Variants in RANBP2 observed in about 807,000 individuals in gnomAD.
RANBP2 encodes the protein E3 SUMO-protein ligase RanBP2.
Under a neutral mutation model 303.6 loss-of-function variants are expected in RANBP2, and 57 were observed. That is an observed-to-expected ratio of 0.19 (90% CI 0.15 to 0.23). RANBP2 has a LOEUF of 0.23. Ranked by LOEUF, RANBP2 falls within the 10% of genes least tolerant of loss-of-function variation. The probability of loss-of-function intolerance (pLI) is 1.00; values close to 1 mark genes in which losing one functional copy is unlikely to be tolerated. For missense variants in RANBP2, 3,138 were observed against 3,780.8 expected (o/e 0.83, Z 4.46); for synonymous variants, 1,167 against 1,301.5 (o/e 0.90, Z 2.23).
At chr2:108,910,328 C>T in the RANBP2 span, 3 of 727,538 alleles carry the variant, frequency 4.1e-6, no homozygotes, top group Admixed American at 2.2e-5. Flanking sequence ...GTGGTGGGGA[C>T]TGTCTGTCGC....
the RANBP2 span, chr2:108,798,331 A>C: frequency 2.4e-5 from 33 of 1,400,752 alleles, no homozygotes; most frequent in Non-Finnish European, 2.7e-5. Flanking sequence ...TGTATTCCTG[A>C]AAACCACTTG....
the RANBP2 span, among the ~76,000 whole-genome samples, chr2:109,351,875 A>T: frequency 6.6e-6 from 1 of 152,206 alleles, no homozygotes; most frequent in Non-Finnish European, 1.5e-5. Context: ...TGACCTTCTT[A>T]TGCTGCTGAA....
At chr2:109,409,750 C>T in the RANBP2 span, among the ~76,000 whole-genome samples, 9 of 147,702 alleles carry the variant, frequency 6.1e-5, no homozygotes, top group East Asian at 1.6e-3. Context: ...GCTGCTTGCT[C>T]CTCTTTGCAG....
chr2:109,466,185 C>T, the RANBP2 span, among the ~76,000 whole-genome samples: 25 of 146,142 alleles, frequency 1.7e-4, 1 homozygote, highest in African/African-American at 5.3e-4. Context: ...CAGGTTCAAG[C>T]GATTCTCCTG....
chr2:109,692,215 G>T, the RANBP2 span, among the ~76,000 whole-genome samples: 2 of 151,792 alleles, frequency 1.3e-5, no homozygotes, highest in Admixed American at 6.6e-5. Context: ...CACATGGTAC[G>T]TGATTCTATT....
rs1676954714 is a variant in RANBP2 at position 108,764,280 on chromosome 2, C to T, written c.3741C>T (p.Tyr1247=). 6.2e-6 allele frequency: 10 copies of T among 1,613,910 alleles called. No individual in the cohort carries two copies. Among genetic ancestry groups the T allele is most frequent in the African/African-American group, 1.3e-5 (1 of 75,044 alleles). The change falls in exon 20 of 29, where the codon TAC becomes TAT. Residue 1247 remains tyrosine, a synonymous_variant. Transcript: ENST00000283195. ...TATTGAAAATCTGTGCAAATCATTACATCAGTCCAGATATGAAATTGACAC... is the reference window on the plus strand; with the variant it reads ...TATTGAAAATCTGTGCAAATCATTATATCAGTCCAGATATGAAATTGACAC... The part of the protein sequence containing the change: ...EQVLKICANH[Y]ISPDMKLTPN...
chr2:109,720,431 G>A, the RANBP2 span, among the ~76,000 whole-genome samples: 1 of 152,042 alleles, frequency 6.6e-6, no homozygotes, highest in African/African-American at 2.4e-5. Flanking sequence ...AAATGGCAAC[G>A]TGTGGGCTCC....
the RANBP2 span, among the ~76,000 whole-genome samples, chr2:109,381,375 G>T: frequency 1.3e-5 from 2 of 152,170 alleles, no homozygotes; most frequent in Non-Finnish European, 2.9e-5. Flanking sequence ...TCAATGGCGG[G>T]GTTACTTTTA....
chr2:109,460,312 G>T, the RANBP2 span, among the ~76,000 whole-genome samples: 2,586 of 152,322 alleles, frequency 0.017, 77 homozygotes, highest in African/African-American at 0.059. Context: ...CTTCCTTGAT[G>T]GAGGTGGTCC....
the RANBP2 span, among the ~76,000 whole-genome samples, chr2:108,937,023 G>C: frequency 6.6e-6 from 1 of 152,226 alleles, no homozygotes; most frequent in African/African-American, 2.4e-5. Flanking sequence ...CCACAGTGCT[G>C]TGCCGGGGAA....
the RANBP2 span, among the ~76,000 whole-genome samples, chr2:109,479,879 T>G: frequency 6.6e-6 from 1 of 152,102 alleles, no homozygotes; most frequent in Non-Finnish European, 1.5e-5. Flanking sequence ...CGGCAGCACC[T>G]AACCCACCTG....
At chr2:109,653,167 C>T in the RANBP2 span, among the ~76,000 whole-genome samples, 2 of 151,944 alleles carry the variant, frequency 1.3e-5, no homozygotes, top group Non-Finnish European at 2.9e-5. Context: ...GAGGCTGAGG[C>T]GGGTGGATCA....
chr2:109,615,310 C>G, the RANBP2 span: 1 of 1,606,910 alleles, frequency 6.2e-7, no homozygotes. Flanking sequence ...TGGATGCTCT[C>G]TGCCTCCGAT....
intron 4 of RANBP2, among the ~76,000 whole-genome samples, chr2:108,733,620 G>A (rs2260845): frequency 0.068 from 10,383 of 152,070 alleles, 474 homozygotes; most frequent in Middle Eastern, 0.099. Flanking sequence ...AATCTAAAAC[G>A]TGAGGTCTAA....
At chr2:108,815,738 T>C in the RANBP2 span, among the ~76,000 whole-genome samples, 1 of 152,114 alleles carries the variant, frequency 6.6e-6, no homozygotes. Context: ...AGTGGTGGGA[T>C]TACAGGCTTG....
At chr2:109,173,304 G>C in the RANBP2 span, among the ~76,000 whole-genome samples, 1 of 152,078 alleles carries the variant, frequency 6.6e-6, no homozygotes, top group Non-Finnish European at 1.5e-5. Flanking sequence ...CTGCACTTGC[G>C]TTTTCTCCTC....
At chr2:109,506,002 T>C in the RANBP2 span, among the ~76,000 whole-genome samples, 36 of 152,350 alleles carry the variant, frequency 2.4e-4, no homozygotes, top group South Asian at 7.0e-3. Flanking sequence ...GGTGCCGTTT[T>C]ACATTCAAAT....
At chr2:109,059,557 C>G in the RANBP2 span, among the ~76,000 whole-genome samples, 1 of 150,628 alleles carries the variant, frequency 6.6e-6, no homozygotes, top group Non-Finnish European at 1.5e-5. Context: ...GCCTGGGCAA[C>G]AGAGCAAGGC....
At chr2:109,130,248 C>A in the RANBP2 span, 2 of 874,642 alleles carry the variant, frequency 2.3e-6, no homozygotes, top group African/African-American at 1.7e-5. Context: ...TGTTGCTCTT[C>A]CTCCAACTTC....
Sources: allele counts gnomAD v4.1 joint callset (sites outside exome capture counted in the v4.1 genomes callset), GRCh38; gene constraint gnomAD v4.1.1; transcripts MANE v1.5; gene names NCBI Gene and HGNC (gene_info 2026-07-23, HGNC 2026-07-21).